TENM2: variants seen among roughly 807,000 people sequenced by gnomAD.
The protein encoded by TENM2 is teneurin-2.
In TENM2, 52 loss-of-function variants were observed where a neutral mutation model predicts 245.2. The observed-to-expected ratio is 0.21, with a 90% CI of 0.17 to 0.27. The LOEUF is 0.27. Among genes scored for constraint, TENM2 ranks in the 10% least tolerant of loss-of-function variants. The pLI is 1.00. For missense variants in TENM2, 3,046 were observed against 3,666.8 expected, an observed-to-expected ratio of 0.83 and a Z score of 4.37; for synonymous variants, 1,363 against 1,438.9, an observed-to-expected ratio of 0.95 and a Z score of 1.19.
At chr5:168,135,559 G>T (rs576769405) in intron 12 of TENM2, among the ~76,000 whole-genome samples, 1 of 152,010 alleles carries the variant, frequency 6.6e-6, no homozygotes, top group Admixed American at 6.6e-5. Context: ...TAACCACATC[G>T]TTGGCTATTA....
intron 12 of TENM2, among the ~76,000 whole-genome samples, chr5:168,157,919 GTGTTGT>G (rs1003829131): frequency 6.6e-6 from 1 of 151,834 alleles, no homozygotes; most frequent in African/African-American, 2.4e-5. Flanking sequence ...GTTGTTGTTG[GTGTTGT>G]TGTTGTTGTT....
the TENM2 span, among the ~76,000 whole-genome samples, chr5:167,089,673 G>T: frequency 5.3e-5 from 8 of 152,054 alleles, no homozygotes; most frequent in Non-Finnish European, 1.0e-4. Context: ...GTATGCCAAA[G>T]ATATACCAAA....
the TENM2 span, among the ~76,000 whole-genome samples, chr5:167,071,370 C>T: frequency 0.19 from 28,532 of 151,964 alleles, 3,615 homozygotes; most frequent in East Asian, 0.4. Context: ...TAATTAAGTG[C>T]TAAAGCTGTG....
chr5:167,576,538 C>T (rs1287796025), intron 2 of TENM2, among the ~76,000 whole-genome samples: 1 of 152,082 alleles, frequency 6.6e-6, no homozygotes, highest in Non-Finnish European at 1.5e-5. Context: ...TCTCTTTAGT[C>T]CCTATATATA....
At chr5:167,285,836 C>T (rs942167214) in intron 1 of TENM2, among the ~76,000 whole-genome samples, 3 of 152,214 alleles carry the variant, frequency 2.0e-5, no homozygotes, top group East Asian at 1.9e-4. Context: ...CCGAATGCCT[C>T]GGGAAGGGTC....
At chr5:168,254,861 A>G (rs1186118549) in intron 27 of TENM2, among the ~76,000 whole-genome samples, 1 of 152,144 alleles carries the variant, frequency 6.6e-6, no homozygotes, top group Non-Finnish European at 1.5e-5. Flanking sequence ...AGCCTGGCCA[A>G]CATAGCAAAA....
intron 2 of TENM2, among the ~76,000 whole-genome samples, chr5:167,782,361 G>C (rs1316871824): frequency 6.7e-6 from 1 of 148,526 alleles, no homozygotes; most frequent in Non-Finnish European, 1.5e-5. Flanking sequence ...ATAAAAGTTG[G>C]CTTCTGAGTT....
intron 2 of TENM2, among the ~76,000 whole-genome samples, chr5:167,652,159 C>G (rs79095735): frequency 6.6e-6 from 1 of 152,090 alleles, no homozygotes; most frequent in Non-Finnish European, 1.5e-5. Context: ...ATGCCAAGAG[C>G]GAGGAATCAT....
intron 2 of TENM2, among the ~76,000 whole-genome samples, chr5:167,508,227 AT>A (rs1220568742): frequency 6.6e-6 from 1 of 152,170 alleles, no homozygotes; most frequent in African/African-American, 2.4e-5. Context: ...GGTGAATGAC[AT>A]TAAAAAAGCT....
intron 2 of TENM2, among the ~76,000 whole-genome samples, chr5:167,859,957 T>G (rs1465273947): frequency 1.4e-4 from 2 of 13,978 alleles, no homozygotes; most frequent in African/African-American, 2.6e-4. Context: ...GGGAGGGAGG[T>G]GGGGGGGTCG....
At chr5:167,919,652 T>C (rs1777203734) in intron 3 of TENM2, among the ~76,000 whole-genome samples, 1 of 152,180 alleles carries the variant, frequency 6.6e-6, no homozygotes, top group South Asian at 2.1e-4. Context: ...ATCTGAAACT[T>C]AAGGGGGATG....
intron 2 of TENM2, among the ~76,000 whole-genome samples, chr5:167,643,339 G>A (rs373078545): frequency 7.2e-5 from 11 of 152,152 alleles, no homozygotes; most frequent in South Asian, 2.1e-4. Flanking sequence ...GGAATTTGCC[G>A]TTTCTGGATA....
At chr5:167,077,989 A>G in the TENM2 span, among the ~76,000 whole-genome samples, 1 of 152,144 alleles carries the variant, frequency 6.6e-6, no homozygotes, top group Non-Finnish European at 1.5e-5. Context: ...TGTTGAGAAA[A>G]TATAAGAAAA....
At chr5:168,261,889 C>T (rs1768220018) in intron 28 of TENM2, among the ~76,000 whole-genome samples, 160 bp from the exon 31 acceptor site, 1 of 152,190 alleles carries the variant, frequency 6.6e-6, no homozygotes, top group South Asian at 2.1e-4. Flanking sequence ...AATCAACCAG[C>T]CAACCATAGT....
At chr5:167,649,456 G>T (rs1780190013) in intron 2 of TENM2, among the ~76,000 whole-genome samples, 1 of 152,078 alleles carries the variant, frequency 6.6e-6, no homozygotes. Flanking sequence ...CTAGTCTAAG[G>T]CGCTTGCACT....
chr5:167,378,817 T>C (rs1581887270), intron 2 of TENM2, among the ~76,000 whole-genome samples: 1 of 151,462 alleles, frequency 6.6e-6, no homozygotes, highest in African/African-American at 2.4e-5. Flanking sequence ...GTCTATGTTC[T>C]CTTGACTCCC....
intron 3 of TENM2, among the ~76,000 whole-genome samples, chr5:167,910,606 C>T (rs1776470286): frequency 6.6e-6 from 1 of 152,206 alleles, no homozygotes; most frequent in Admixed American, 6.5e-5. Context: ...TCATTGAACT[C>T]CACTAACTTA....
rs530144558 is a variant in TENM2 at position 167,824,097 on chromosome 5, G to A, written c.503-51889G>A. ...GCCCTGCGTACTGTCCTGGAGGCCA[G>A]AGGCATCGCCTGCTGCCTTTGTCGT... On this transcript the variant is annotated intron_variant, in intron 2 of 28. Transcript: ENST00000518659. Among the ~76,000 whole-genome samples, 20 of 152,346 alleles carry A rather than the reference G, an allele frequency of 1.3e-4. No homozygotes were observed. The East Asian group carries it at 3.7e-3, about 28-fold the overall frequency.
chr5:167,320,114 G>A (rs1359982024), intron 1 of TENM2, among the ~76,000 whole-genome samples: 1 of 152,090 alleles, frequency 6.6e-6, no homozygotes, highest in Non-Finnish European at 1.5e-5. Context: ...TTTATGATAT[G>A]ATGAAAAACA....
Sources: gnomAD v4.1 joint callset for allele counts (sites outside exome capture counted in the v4.1 genomes callset) on GRCh38, gnomAD v4.1.1 for gene constraint, MANE v1.5 for transcripts, NCBI Gene and HGNC (gene_info 2026-07-23, HGNC 2026-07-21) for gene names.